ANKRD29: variants seen among roughly 807,000 people sequenced by gnomAD.
ANKRD29 encodes ankyrin repeat domain-containing protein 29.
In ANKRD29, 32 loss-of-function variants were observed where a neutral mutation model predicts 38.0. That is an observed-to-expected ratio of 0.84 (90% CI 0.64 to 1.13). ANKRD29 has a LOEUF of 1.13. Among genes scored for constraint, ANKRD29 ranks in the 50% most tolerant of loss-of-function variants. ANKRD29 has a pLI of 0.00. For synonymous variants in ANKRD29, 135 were observed against 152.4 expected (o/e 0.89, Z 0.84); for missense variants, 357 against 377.9 (o/e 0.94, Z 0.46).
intron 8 of ANKRD29, among the ~76,000 whole-genome samples, chr18:23,615,649 C>T (rs2059701056): frequency 2.6e-5 from 4 of 151,958 alleles, no homozygotes; most frequent in African/African-American, 4.8e-5. Context: ...TGGATTCAAG[C>T]GATCCACCTG....
At chr18:23,627,396 G>C (rs1021129329) in intron 6 of ANKRD29, among the ~76,000 whole-genome samples, 3 of 152,142 alleles carry the variant, frequency 2.0e-5, no homozygotes, top group Non-Finnish European at 2.9e-5. Flanking sequence ...CTTGCTCCTT[G>C]ACCAGAGGGT....
At chr18:23,641,419 G>A (rs1231141771) in intron 3 of ANKRD29, among the ~76,000 whole-genome samples, 2 of 152,258 alleles carry the variant, frequency 1.3e-5, no homozygotes, top group Non-Finnish European at 2.9e-5. Context: ...GAGCAAAGCT[G>A]TAGCCGAGCC....
intron 1 of ANKRD29, among the ~76,000 whole-genome samples, chr18:23,654,141 C>T (rs2060246675): frequency 6.6e-6 from 1 of 151,938 alleles, no homozygotes; most frequent in Admixed American, 6.6e-5. Context: ...TGGCACGCAC[C>T]TGTAGTCCCA....
intron 1 of ANKRD29, among the ~76,000 whole-genome samples, chr18:23,660,332 G>T (rs1288570901): frequency 6.6e-6 from 1 of 152,092 alleles, no homozygotes; most frequent in East Asian, 1.9e-4. Context: ...GGTGCTTACG[G>T]GCCATTTGTA....
At position 23,661,294 on chromosome 18, in the gene ANKRD29, G is replaced by A. The variant is rs1203941521; in HGVS notation, c.21+1416C>T. On this transcript the variant is annotated intron_variant, in intron 1 of 9. Coordinates refer to ENST00000592179, the MANE Select transcript of ANKRD29 (RefSeq NM_173505.4). ...GACTTGCCTCCTGGGATCGAGGAGA[G>A]TATATCTGTCTAATCAACATCTCTG... Among the ~76,000 whole-genome samples the A allele has an allele frequency of 2.0e-5, 3 of 152,198 alleles. No individual in the cohort carries two copies. The East Asian group carries it at 5.8e-4, about 29-fold the overall frequency.
At chr18:23,606,593 G>C (rs761463532) in intron 9 of ANKRD29, among the ~76,000 whole-genome samples, 2 of 152,136 alleles carry the variant, frequency 1.3e-5, no homozygotes, top group East Asian at 3.9e-4. Flanking sequence ...TTACAGGCAT[G>C]AGCCACTACA....
In ANKRD29 at chr18:23,619,549, G is replaced by C. The variant is rs112883885; in HGVS notation, c.609C>G (p.Asp203Glu). Residue 203 changes from aspartate to glutamate, a missense_variant, in exon 7 of 10, where the codon GAC becomes GAG. Transcript: ENST00000592179. ...VVRVMLLRGA[D>E]RDAARNDGTT... ...CACTCACGTTCCGCGCAGCGTCGCG[G>C]TCGGCTCCGCGCAGCAGCATCACCC... 6.3e-5 allele frequency: 101 copies of C among 1,594,190 alleles called. 1 individual carries two copies. In the African/African-American group the frequency reaches 1.2e-3, roughly 18 times the overall value.
Position 23,636,634 on chromosome 18 carries a change from C to T in ANKRD29, c.330+2215G>A, listed in dbSNP as rs578119756. ...TCTCACCCAGGCTGGAGTGCAGTGGCGCAATCATGACTCACTGCAGCCTTG... is the reference window on the plus strand; with the variant it reads ...TCTCACCCAGGCTGGAGTGCAGTGGTGCAATCATGACTCACTGCAGCCTTG... On this transcript the variant is annotated intron_variant, in intron 4 of 9. Transcript: ENST00000592179. 4.6e-5 allele frequency among the ~76,000 whole-genome samples: 7 copies of T among 151,876 alleles called. No individual in the cohort carries two copies. The East Asian group carries it at 5.9e-4, about 13-fold the overall frequency.
chr18:23,642,268 T>C (rs1281264552), intron 3 of ANKRD29, among the ~76,000 whole-genome samples: 1 of 151,848 alleles, frequency 6.6e-6, no homozygotes, highest in Non-Finnish European at 1.5e-5. Context: ...TACAGCCCTT[T>C]GGGGAGCCCA....
chr18:23,633,049 T>C (rs1386618307), intron 5 of ANKRD29, among the ~76,000 whole-genome samples: 1 of 152,182 alleles, frequency 6.6e-6, no homozygotes, highest in Non-Finnish European at 1.5e-5. Context: ...TAATTGGAAG[T>C]AGGAATTTTT....
chr18:23,645,213 G>C (rs2060123207), intron 3 of ANKRD29, among the ~76,000 whole-genome samples: 1 of 152,156 alleles, frequency 6.6e-6, no homozygotes, highest in Non-Finnish European at 1.5e-5. Context: ...CTGAGCGTGT[G>C]TCTCCATAAA....
chr18:23,623,337 G>A (rs2059819183), intron 6 of ANKRD29, among the ~76,000 whole-genome samples: 1 of 152,148 alleles, frequency 6.6e-6, no homozygotes, highest in South Asian at 2.1e-4. Flanking sequence ...AGCCCAGGGA[G>A]TTGCATGTGA....
At chr18:23,602,112 C>T (rs929833449) in intron 9 of ANKRD29, among the ~76,000 whole-genome samples, 2 of 152,072 alleles carry the variant, frequency 1.3e-5, no homozygotes, top group Non-Finnish European at 2.9e-5. Context: ...CCTCGGCTCA[C>T]TGCAATCTCT....
At chr18:23,646,926 AC>A (rs1264488517) in intron 2 of ANKRD29, 15 of 152,412 alleles carry the variant, frequency 9.8e-5, no homozygotes, top group African/African-American at 3.4e-4. Context: ...CCTGAGGTGT[AC>A]CATGTGATAT....
At chr18:23,625,977 T>C (rs930227739) in intron 6 of ANKRD29, among the ~76,000 whole-genome samples, 1 of 152,164 alleles carries the variant, frequency 6.6e-6, no homozygotes, top group East Asian at 1.9e-4. Flanking sequence ...GCACCAGCCA[T>C]GGGGATCTTC....
At chr18:23,612,227 C>T (rs1046951481) in intron 8 of ANKRD29, 37 bp from the exon 9 acceptor site, 1 of 1,577,950 alleles carries the variant, frequency 6.3e-7, no homozygotes, top group African/African-American at 1.3e-5. Context: ...GGAGTGAGCT[C>T]ACAGCCATTG....
intron 9 of ANKRD29, 76 bp from the exon 10 acceptor site, chr18:23,601,385 G>T: frequency 8.3e-7 from 1 of 1,202,020 alleles, no homozygotes; most frequent in South Asian, 1.2e-5. Flanking sequence ...AGGGGCATTT[G>T]ACCCACTCTT....
chr18:23,641,515 C>T (rs2060076262), intron 3 of ANKRD29, among the ~76,000 whole-genome samples: 1 of 152,206 alleles, frequency 6.6e-6, no homozygotes, highest in Admixed American at 6.5e-5. Flanking sequence ...CAGCCTTGCC[C>T]CCCAACCTTG....
chr18:23,636,601 G>C (rs1019094574), intron 4 of ANKRD29, among the ~76,000 whole-genome samples: 13 of 151,218 alleles, frequency 8.6e-5, no homozygotes, highest in African/African-American at 2.9e-4. Flanking sequence ...TTTTAGACAG[G>C]GTTTCACTCT....
Sources: gnomAD v4.1 joint callset for allele counts (sites outside exome capture counted in the v4.1 genomes callset) on GRCh38, gnomAD v4.1.1 for gene constraint, MANE v1.5 for transcripts, NCBI Gene and HGNC (gene_info 2026-07-23, HGNC 2026-07-21) for gene names.